The following SUMF1 variants were observed in gnomAD, a reference collection of about 807,000 sequenced individuals.
SUMF1 encodes the protein formylglycine-generating enzyme.
SUMF1 carries 48 observed loss-of-function variants against 47.6 expected under a neutral mutation model. The ratio of observed to expected loss-of-function variants is 1.01; its 90% CI spans 0.80 to 1.28. SUMF1 has a LOEUF of 1.28. Ranked by LOEUF, SUMF1 falls within the 50% of genes most tolerant of loss-of-function variation. SUMF1 has a pLI of 0.00. For synonymous variants in SUMF1, 230 were observed against 192.1 expected (o/e 1.20, Z -1.63); for missense variants, 571 against 485.4 (o/e 1.18, Z -1.66).
At chr3:4,084,403 T>C (rs1574868240) in intron 8 of SUMF1, among the ~76,000 whole-genome samples, 1 of 152,112 alleles carries the variant, frequency 6.6e-6, no homozygotes, top group Non-Finnish European at 1.5e-5. Context: ...TGAGTTTTCC[T>C]CCACTCAGCA....
At position 4,087,372 on chromosome 3, in the gene SUMF1, G is replaced by C. The variant is rs1373749340; in HGVS notation, c.1015-18627C>G. On this transcript the variant is annotated intron_variant and NMD_transcript_variant, in intron 8 of 12. Coordinates refer to the SUMF1 transcript ENST00000448413. ...CAAAATAGCCATATGACATAGGTAA[G>C]ATGACCATTCCCATCTTGCAGGTGG... 2.0e-5 allele frequency among the ~76,000 whole-genome samples: 3 copies of C among 152,112 alleles called. No individual in the cohort carries two copies. The South Asian group carries it at 6.2e-4, about 31-fold the overall frequency.
intron 8 of SUMF1, among the ~76,000 whole-genome samples, chr3:4,332,061 A>C (rs953068931): frequency 6.6e-6 from 1 of 152,196 alleles, no homozygotes; most frequent in Non-Finnish European, 1.5e-5. Context: ...GTGAACTACA[A>C]GGCATTTGAA....
chr3:4,447,242 A>G (rs1702811941), intron 3 of SUMF1, among the ~76,000 whole-genome samples: 1 of 152,226 alleles, frequency 6.6e-6, no homozygotes, highest in Non-Finnish European at 1.5e-5. Context: ...TGTCATAAAT[A>G]GAATGCAACA....
chr3:4,463,957 T>C (rs1329998383), intron 1 of SUMF1, among the ~76,000 whole-genome samples: 1 of 152,226 alleles, frequency 6.6e-6, no homozygotes, highest in Non-Finnish European at 1.5e-5. Context: ...ACAATTCTAA[T>C]CGCCATAACT....
chr3:4,358,422 G>A (rs1307269116), downstream of SUMF1, among the ~76,000 whole-genome samples: 2 of 152,170 alleles, frequency 1.3e-5, no homozygotes, highest in African/African-American at 4.8e-5. Context: ...CGACCAAACG[G>A]TCTGCTCGGC....
At chr3:4,240,756 G>C (rs1487466169) in intron 8 of SUMF1, among the ~76,000 whole-genome samples, 1 of 151,678 alleles carries the variant, frequency 6.6e-6, no homozygotes, top group Non-Finnish European at 1.5e-5. Context: ...TTTCCTGGAA[G>C]AAATTATACC....
chr3:4,427,318 G>T (rs1702100256), intron 3 of SUMF1, among the ~76,000 whole-genome samples: 1 of 152,144 alleles, frequency 6.6e-6, no homozygotes, highest in Non-Finnish European at 1.5e-5. Context: ...AACAACCCGG[G>T]AGAATTTTTC....
At chr3:4,416,736 GGC>G (rs35888279) in intron 6 of SUMF1, among the ~76,000 whole-genome samples, 100,764 of 151,962 alleles carry the variant, frequency 0.66, 33,706 homozygotes, top group Non-Finnish European at 0.69. Flanking sequence ...CAAATGCCTT[GGC>G]GCACAATGCC....
At chr3:4,040,358 A>G (rs888030744) in intron 9 of SUMF1, among the ~76,000 whole-genome samples, 8 of 152,144 alleles carry the variant, frequency 5.3e-5, no homozygotes, top group Non-Finnish European at 1.0e-4. Flanking sequence ...TTTACAACAT[A>G]CTATGGTCAC....
At chr3:4,356,634 T>G (rs565098305), downstream of SUMF1, among the ~76,000 whole-genome samples, 16 of 152,196 alleles carry the variant, frequency 1.1e-4, no homozygotes, top group African/African-American at 3.9e-4. Context: ...AGGCTGCAAA[T>G]GCAAACTGGC....
chr3:4,437,904 G>A (rs1274949480), intron 3 of SUMF1, among the ~76,000 whole-genome samples: 7 of 151,688 alleles, frequency 4.6e-5, no homozygotes, highest in Admixed American at 1.3e-4. Context: ...GTGCCACTGC[G>A]CTCCAGCCTG....
chr3:4,316,929 A>G (rs1698684293), intron 8 of SUMF1: 10 of 1,549,436 alleles, frequency 6.5e-6, no homozygotes, highest in Non-Finnish European at 8.7e-6. Flanking sequence ...ATTGGTCAAC[A>G]GAAAGGGCCC....
At chr3:4,062,694 T>C (rs1695296096) in intron 9 of SUMF1, among the ~76,000 whole-genome samples, 1 of 152,154 alleles carries the variant, frequency 6.6e-6, no homozygotes, top group African/African-American at 2.4e-5. Context: ...TGAACCATAT[T>C]AGCCATGTAG....
chr3:4,339,641 G>T (rs1361648408), intron 8 of SUMF1, among the ~76,000 whole-genome samples: 4 of 152,070 alleles, frequency 2.6e-5, no homozygotes, highest in Non-Finnish European at 4.4e-5. Flanking sequence ...AGAGGTCTTG[G>T]GTAGGAAGGC....
chr3:4,308,049 C>T lies in SUMF1; in HGVS notation c.1014+68281G>A, dbSNP rs191191172. Among the ~76,000 whole-genome samples, 13 of 152,182 alleles carry T rather than the reference C, an allele frequency of 8.5e-5. No individual in the cohort carries two copies. In the East Asian group the frequency reaches 9.6e-4, roughly 11 times the overall value. The stretch of plus-strand genomic sequence containing the variant: ...CTTAAAAAAAAAAAATCCCATTCTC[C>T]GTGTCCTTTATACTTTTCTGACTGT... On this transcript the variant is annotated intron_variant and NMD_transcript_variant, in intron 8 of 12. Transcript: ENST00000448413.
At chr3:4,310,789 T>A (rs934060934) in intron 8 of SUMF1, among the ~76,000 whole-genome samples, 1 of 152,196 alleles carries the variant, frequency 6.6e-6, no homozygotes, top group Non-Finnish European at 1.5e-5. Flanking sequence ...AAAAAAACTT[T>A]AGCGTTTAGT....
At chr3:4,262,474 A>C (rs535736593) in intron 8 of SUMF1, among the ~76,000 whole-genome samples, 5 of 152,090 alleles carry the variant, frequency 3.3e-5, no homozygotes, top group Admixed American at 6.6e-5. Context: ...AAAACCAAAA[A>C]ATCCATGACT....
At chr3:4,180,186 A>G (rs1332928910) in intron 8 of SUMF1, among the ~76,000 whole-genome samples, 3 of 152,220 alleles carry the variant, frequency 2.0e-5, no homozygotes, top group African/African-American at 7.2e-5. Context: ...CAGCAATCCC[A>G]TTACTGGGTA....
chr3:4,439,864 C>T (rs946636438), intron 3 of SUMF1, among the ~76,000 whole-genome samples: 3 of 151,940 alleles, frequency 2.0e-5, no homozygotes, highest in African/African-American at 7.3e-5. Context: ...AGAAAAAAAA[C>T]TCTTAAAGCA....
Sources: gnomAD v4.1 joint callset for allele counts (sites outside exome capture counted in the v4.1 genomes callset) on GRCh38, gnomAD v4.1.1 for gene constraint, MANE v1.5 for transcripts, NCBI Gene and HGNC (gene_info 2026-07-23, HGNC 2026-07-21) for gene names.